Variants in SPMIP4 observed in about 807,000 individuals in gnomAD.
SPMIP4 encodes the protein sperm microtubule inner protein 4, also known as sperm-associated microtubule inner protein 4.
At chr7:25,144,694 C>T in the SPMIP4 span, among the ~76,000 whole-genome samples, 1 of 152,198 alleles carries the variant, frequency 6.6e-6, no homozygotes, top group African/African-American at 2.4e-5. Flanking sequence ...GAAAGGGCCA[C>T]AGCCAGAGGA....
chr7:25,131,859 T>C, the SPMIP4 span, among the ~76,000 whole-genome samples: 3 of 152,316 alleles, frequency 2.0e-5, no homozygotes, highest in Admixed American at 2.0e-4. This position sits in a 1 kb window ranked among gnomAD's most constrained non-coding sequence, Gnocchi z 4.2. Flanking sequence ...TTTAGCCTTA[T>C]TGGGAGTGGC....
the SPMIP4 span, among the ~76,000 whole-genome samples, chr7:25,159,603 C>T: frequency 6.6e-5 from 10 of 152,142 alleles, no homozygotes; most frequent in Admixed American, 3.3e-4. Context: ...TTTAGATGTT[C>T]CTCCATGCTA....
the SPMIP4 span, among the ~76,000 whole-genome samples, chr7:25,153,434 T>C: frequency 6.6e-6 from 1 of 150,750 alleles, no homozygotes; most frequent in Non-Finnish European, 1.5e-5. Context: ...TGGGTGGGTG[T>C]GGTGGCACGT....
At chr7:25,154,488 G>A in the SPMIP4 span, among the ~76,000 whole-genome samples, 1 of 152,162 alleles carries the variant, frequency 6.6e-6, no homozygotes, top group African/African-American at 2.4e-5. Context: ...CATTCACAAA[G>A]ACTCCAAGGT....
chr7:25,141,489 T>C, the SPMIP4 span, among the ~76,000 whole-genome samples: 2 of 147,954 alleles, frequency 1.4e-5, no homozygotes, highest in Admixed American at 1.4e-4. Context: ...TGAGAATCGC[T>C]TGAACCAAGG....
the SPMIP4 span, among the ~76,000 whole-genome samples, chr7:25,170,528 A>G: frequency 3.9e-5 from 6 of 152,172 alleles, no homozygotes; most frequent in Non-Finnish European, 8.8e-5. Flanking sequence ...AAGTTTTTTA[A>G]TTTTGACGAA....
the SPMIP4 span, among the ~76,000 whole-genome samples, chr7:25,152,161 T>C: frequency 6.6e-6 from 1 of 152,208 alleles, no homozygotes; most frequent in South Asian, 2.1e-4. Flanking sequence ...TTTCTGATCT[T>C]TTTTTCTGGC....
At chr7:25,139,318 A>C in the SPMIP4 span, among the ~76,000 whole-genome samples, 1 of 152,184 alleles carries the variant, frequency 6.6e-6, no homozygotes, top group Admixed American at 6.5e-5. Flanking sequence ...GAGGGATGGA[A>C]AGATGGATAG....
At chr7:25,147,087 G>A in the SPMIP4 span, among the ~76,000 whole-genome samples, 1 of 152,174 alleles carries the variant, frequency 6.6e-6, no homozygotes, top group Non-Finnish European at 1.5e-5. Context: ...CTTGAGGCCA[G>A]GAGTTTGAGG....
At chr7:25,146,576 G>C in the SPMIP4 span, among the ~76,000 whole-genome samples, 4 of 152,200 alleles carry the variant, frequency 2.6e-5, no homozygotes, top group Non-Finnish European at 5.9e-5. Context: ...AATGAGGAAA[G>C]TATCTCTAGG....
chr7:25,157,063 A>G, the SPMIP4 span, among the ~76,000 whole-genome samples: 1 of 152,174 alleles, frequency 6.6e-6, no homozygotes, highest in African/African-American at 2.4e-5. Flanking sequence ...AAAAGGAAAA[A>G]AAAAAGAAAG....
chr7:25,151,552 T>C, the SPMIP4 span: 1 of 1,248,676 alleles, frequency 8.0e-7, no homozygotes, highest in East Asian at 2.3e-5. Context: ...TGACTAAAAA[T>C]ATTTGTTACT....
the SPMIP4 span, chr7:25,142,610 AT>A: frequency 6.4e-7 from 1 of 1,567,680 alleles, no homozygotes; most frequent in Non-Finnish European, 8.6e-7. Context: ...TTTTGTTCTA[AT>A]TTTTACTTGT....
chr7:25,162,921 G>A, the SPMIP4 span, among the ~76,000 whole-genome samples: 1 of 152,036 alleles, frequency 6.6e-6, no homozygotes, highest in Non-Finnish European at 1.5e-5. Flanking sequence ...ACAGGCACCC[G>A]CCATCGTGCC....
the SPMIP4 span, among the ~76,000 whole-genome samples, chr7:25,147,748 T>C: frequency 6.6e-6 from 1 of 152,222 alleles, no homozygotes. Flanking sequence ...GTAATAATAA[T>C]ACCGATAGCA....
the SPMIP4 span, among the ~76,000 whole-genome samples, chr7:25,148,049 G>A: frequency 6.6e-6 from 1 of 152,174 alleles, no homozygotes. Context: ...CTGCTTATCA[G>A]GTTAGTAGTG....
chr7:25,149,624 C>A, the SPMIP4 span, among the ~76,000 whole-genome samples: 2 of 152,134 alleles, frequency 1.3e-5, no homozygotes, highest in African/African-American at 2.4e-5. Context: ...ACATTCTGTT[C>A]TCAAATAACT....
the SPMIP4 span, among the ~76,000 whole-genome samples, chr7:25,156,931 C>T: frequency 6.6e-6 from 1 of 152,154 alleles, no homozygotes; most frequent in African/African-American, 2.4e-5. Flanking sequence ...TTGTGATCCA[C>T]CTGCCTCGGC....
At chr7:25,148,499 CAG>C in the SPMIP4 span, among the ~76,000 whole-genome samples, 81,252 of 135,678 alleles carry the variant, frequency 0.6, 25,470 homozygotes, top group Non-Finnish European at 0.69. Flanking sequence ...TTTTTTGAGA[CAG>C]AGTCTGACTC....
Sources: gnomAD v4.1 joint callset for allele counts (sites outside exome capture counted in the v4.1 genomes callset) on GRCh38, gnomAD v4.1.1 for gene constraint, Gnocchi (gnomAD v3.1) non-coding constraint, MANE v1.5 for transcripts, NCBI Gene and HGNC (gene_info 2026-07-23, HGNC 2026-07-21) for gene names.